SEPTIN9: variants seen among roughly 807,000 people sequenced by gnomAD.
SEPTIN9 encodes septin-9.
A neutral mutation model predicts 56.6 loss-of-function variants in SEPTIN9; 13 were observed. The observed-to-expected ratio is 0.23, with a 90% CI of 0.15 to 0.37. The LOEUF is 0.37. Ranked by LOEUF, SEPTIN9 falls within the 10% of genes least tolerant of loss-of-function variation. The pLI, the probability that SEPTIN9 is intolerant of heterozygous loss-of-function variation, is 1.00. For missense variants in SEPTIN9, 650 were observed against 823.1 expected (o/e 0.79, Z 2.57); for synonymous variants, 332 against 334.1 (o/e 0.99, Z 0.07).
chr17:77,368,164 G>GAGTT (rs1420347047), intron 2 of SEPTIN9, among the ~76,000 whole-genome samples: 6 of 152,244 alleles, frequency 3.9e-5, no homozygotes, highest in Non-Finnish European at 7.3e-5. Flanking sequence ...GAAGGATGGG[G>GAGTT]AGTTATTGTT....
chr17:77,332,904 T>C (rs944004116), intron 2 of SEPTIN9, among the ~76,000 whole-genome samples: 1 of 152,240 alleles, frequency 6.6e-6, no homozygotes, highest in Non-Finnish European at 1.5e-5. Flanking sequence ...ATCTGGAGGC[T>C]CTTATGAGTA....
At chr17:77,442,381 T>C (rs1054497397) in intron 3 of SEPTIN9, among the ~76,000 whole-genome samples, 1 of 151,466 alleles carries the variant, frequency 6.6e-6, no homozygotes, top group Non-Finnish European at 1.5e-5. Flanking sequence ...GTATTTTTAG[T>C]AGAGACAGGG....
intron 2 of SEPTIN9, among the ~76,000 whole-genome samples, chr17:77,378,219 A>C (rs927609343): frequency 6.6e-6 from 1 of 152,160 alleles, no homozygotes; most frequent in Non-Finnish European, 1.5e-5. Flanking sequence ...CTGTCCAGGA[A>C]GGTTTTGAAT....
Position 77,323,719 on chromosome 17 carries a change from G to C in SEPTIN9, c.76+16522G>C, listed in dbSNP as rs1454786645. The C allele has an allele frequency of 6.6e-6, 1 of 152,480 alleles. No individual in the cohort carries two copies. The highest frequency in any genetic ancestry group is 1.5e-5 in the Non-Finnish European group (1 of 68,246). 9.4% of individuals were successfully genotyped at this position (152,480 alleles called of 1,614,324 possible). ...TCCTGTCCCTCGCTGTGCTGTCCCC[G>C]ATGGCCTCTGCCATCCCCTGGGAGT... On this transcript the variant is annotated intron_variant, in intron 2 of 11. Transcript: ENST00000427177. This position sits in a 1 kb window ranked among gnomAD's most constrained non-coding sequence, Gnocchi z 6.8.
intron 2 of SEPTIN9, among the ~76,000 whole-genome samples, chr17:77,349,944 C>T (rs2034004458): frequency 6.6e-6 from 1 of 152,210 alleles, no homozygotes; most frequent in African/African-American, 2.4e-5. Flanking sequence ...TGTGTAAAAC[C>T]TACAGGCTCA....
At chr17:77,297,505 A>C (rs1284084816) in intron 1 of SEPTIN9, among the ~76,000 whole-genome samples, 1 of 152,166 alleles carries the variant, frequency 6.6e-6, no homozygotes, top group Non-Finnish European at 1.5e-5. Context: ...AATCCAGCCA[A>C]ACTGACACCT....
chr17:77,417,978 G>A (rs868273153), intron 3 of SEPTIN9, among the ~76,000 whole-genome samples: 44 of 152,290 alleles, frequency 2.9e-4, no homozygotes, highest in Middle Eastern at 3.4e-3. Context: ...GTCCAGTGGC[G>A]GCCTCCTACC....
intron 5 of SEPTIN9, 33 bp from the exon 6 acceptor site, chr17:77,488,207 C>T (rs761449566): frequency 6.9e-6 from 11 of 1,605,748 alleles, no homozygotes; most frequent in Non-Finnish European, 9.4e-6. Flanking sequence ...TCTTCCGTCT[C>T]CCCTCTGACT....
At chr17:77,466,473 T>TGCGTGAGCGTGA (rs149579900) in intron 3 of SEPTIN9, 1 of 985,338 alleles carries the variant, frequency 1.0e-6, no homozygotes, top group African/African-American at 1.7e-5. Context: ...CTGTGTTAGC[T>TGCGTGAGCGTGA]GCGTGAGCGT....
intron 4 of SEPTIN9, among the ~76,000 whole-genome samples, chr17:77,486,120 T>A (rs1262572319): frequency 6.9e-6 from 1 of 145,364 alleles, no homozygotes; most frequent in Non-Finnish European, 1.5e-5. Flanking sequence ...CTGGCCGATT[T>A]TTGTTTTTTT....
chr17:77,481,474 C>T (rs1430956939), intron 3 of SEPTIN9, among the ~76,000 whole-genome samples: 3 of 151,734 alleles, frequency 2.0e-5, no homozygotes, highest in Non-Finnish European at 2.9e-5. Flanking sequence ...ACTTTTCCTT[C>T]TCCCAGGACT....
chr17:77,393,784 C>G (rs2035619060), intron 2 of SEPTIN9, among the ~76,000 whole-genome samples: 1 of 152,100 alleles, frequency 6.6e-6, no homozygotes, highest in Non-Finnish European at 1.5e-5. Context: ...TGGGGTTTCT[C>G]CATTTTGGTC....
At chr17:77,341,051 C>G (rs2033709563) in intron 2 of SEPTIN9, among the ~76,000 whole-genome samples, 1 of 152,230 alleles carries the variant, frequency 6.6e-6, no homozygotes, top group Non-Finnish European at 1.5e-5. Context: ...TTCATATCAG[C>G]ATTAAGGCTG....
intron 1 of SEPTIN9, among the ~76,000 whole-genome samples, chr17:77,301,032 C>T (rs1293279697): frequency 7.4e-5 from 10 of 135,416 alleles, no homozygotes; most frequent in African/African-American, 2.5e-4. Flanking sequence ...CAGCTCAAAC[C>T]GCCCTATCCC....
rs1243923296 is a variant in SEPTIN9 at position 77,436,436 on chromosome 17, A to T, written c.721+33733A>T. On this transcript the variant is annotated intron_variant, in intron 3 of 11. Coordinates refer to ENST00000427177, the MANE Select transcript of SEPTIN9 (RefSeq NM_001113491.2). The surrounding 1 kb of genome is among the most constrained non-coding windows in gnomAD (Gnocchi z 4.4). ...TGAGATTCATTACTGGGATTTGGCA[A>T]AGCAAAGAGCCTCACTTTCTCCCCG... 6.6e-6 allele frequency among the ~76,000 whole-genome samples: 1 copy of T among 152,178 alleles called. No homozygotes were observed. The highest frequency in any genetic ancestry group is 2.4e-5 in the African/African-American group (1 of 41,446).
At chr17:77,403,257 C>G (rs368510214) in intron 3 of SEPTIN9, among the ~76,000 whole-genome samples, 2 of 152,166 alleles carry the variant, frequency 1.3e-5, no homozygotes, top group East Asian at 1.9e-4. Context: ...CCTCCTCCCC[C>G]AGGAGGGATG....
intron 2 of SEPTIN9, among the ~76,000 whole-genome samples, chr17:77,401,536 A>T (rs374453141): frequency 6.6e-6 from 1 of 152,214 alleles, no homozygotes; most frequent in South Asian, 2.1e-4. Context: ...GCTTGAGGTC[A>T]GGAGTCCGAG....
rs2036026730 is a variant in SEPTIN9 at position 77,405,222 on chromosome 17, CTG to C, written c.721+2522_721+2523del. 9 of 1,295,778 alleles carry C rather than the reference CTG, an allele frequency of 6.9e-6. No individual in the cohort carries two copies. In the East Asian group the frequency reaches 2.3e-4, roughly 33 times the overall value. 80.3% of individuals were successfully genotyped at this position (1,295,778 alleles called of 1,614,324 possible). On this transcript the variant is annotated intron_variant, in intron 3 of 11. Coordinates refer to ENST00000427177, the MANE Select transcript of SEPTIN9 (RefSeq NM_001113491.2). The surrounding 1 kb of genome is among the most constrained non-coding windows in gnomAD (Gnocchi z 5.8). ...TTTAGCCCCTAAATTGTGCCAGAGA[CTG>C]TGCCGGGAGCCAGGCCCAGGGACAC...
At chr17:77,466,283 G>C in intron 3 of SEPTIN9, 1 of 516,310 alleles carries the variant, frequency 1.9e-6, no homozygotes, top group Non-Finnish European at 2.5e-6. Context: ...AGCCCAGCTG[G>C]CTTGGAGGGC....
Sources: gnomAD v4.1 joint callset for allele counts (sites outside exome capture counted in the v4.1 genomes callset) on GRCh38, gnomAD v4.1.1 for gene constraint, Gnocchi (gnomAD v3.1) non-coding constraint, MANE v1.5 for transcripts, NCBI Gene and HGNC (gene_info 2026-07-23, HGNC 2026-07-21) for gene names.